The following USP10 variants were observed in gnomAD, a reference collection of about 807,000 sequenced individuals.
USP10 encodes ubiquitin specific peptidase 10, also known as ubiquitin carboxyl-terminal hydrolase 10.
A neutral mutation model predicts 84.5 loss-of-function variants in USP10; 22 were observed. That is an observed-to-expected ratio of 0.26 (90% CI 0.19 to 0.37). The LOEUF is 0.37. Among genes scored for constraint, USP10 ranks in the 10% least tolerant of loss-of-function variants. The pLI, the probability that USP10 is intolerant of heterozygous loss-of-function variation, is 1.00. For synonymous variants in USP10, 454 were observed against 387.6 expected (o/e 1.17, Z -2.01); for missense variants, 1,019 against 998.9 (o/e 1.02, Z -0.27).
intron 1 of USP10, among the ~76,000 whole-genome samples, chr16:84,710,443 G>A (rs527516870): frequency 5.9e-5 from 9 of 152,172 alleles, no homozygotes; most frequent in African/African-American, 2.2e-4. Flanking sequence ...AAGAAGTAGG[G>A]CATTTCTTTT....
chr16:84,777,532 T>G (rs1018782514), intron 13 of USP10, among the ~76,000 whole-genome samples: 1 of 152,180 alleles, frequency 6.6e-6, no homozygotes, highest in Admixed American at 6.5e-5. Context: ...TGCCCTTGGA[T>G]TGGCTGTGTC....
chr16:84,722,298 T>A (rs1393418154), intron 1 of USP10, among the ~76,000 whole-genome samples: 2 of 152,244 alleles, frequency 1.3e-5, no homozygotes, highest in Non-Finnish European at 1.5e-5. Context: ...TGGGTAGTAT[T>A]CCTTTGTGGA....
intron 1 of USP10, among the ~76,000 whole-genome samples, chr16:84,711,641 TGTA>T (rs1452846696): frequency 6.6e-6 from 1 of 151,954 alleles, no homozygotes; most frequent in Non-Finnish European, 1.5e-5. Flanking sequence ...GCCACAACAA[TGTA>T]TTCTAAGTTA....
intron 2 of USP10, 80 bp from the exon 3 acceptor site, chr16:84,740,212 GATTAAGAGTTTTAATGA>G: frequency 9.1e-7 from 1 of 1,098,756 alleles, no homozygotes; most frequent in South Asian, 1.4e-5. Flanking sequence ...AAGTTGTATG[GATTAAGAGTTTTAATGA>G]ATTGTTGCCT....
rs572903480 is a variant in USP10, at chr16:84,760,030, G to T, written c.1450+84G>T. 8 of 1,558,508 alleles carry T rather than the reference G, an allele frequency of 5.1e-6. No homozygotes were observed. The East Asian group carries it at 1.6e-4, about 31-fold the overall frequency. On this transcript the variant is annotated intron_variant, in intron 7 of 13. Coordinates refer to ENST00000219473, the MANE Select transcript of USP10 (RefSeq NM_005153.3). ...ACTTAAATTTGGTAAATTCAGTCTT[G>T]TTGGGAAGATAGTGTCTTTACACCT... is the stretch of plus-strand genomic sequence containing the variant.
intron 4 of USP10, among the ~76,000 whole-genome samples, 153 bp from the exon 5 acceptor site, chr16:84,758,563 A>G (rs1456164875): frequency 6.6e-6 from 1 of 152,184 alleles, no homozygotes; most frequent in African/African-American, 2.4e-5. Flanking sequence ...TTGATGTTGA[A>G]CTGAATGAAG....
intron 1 of USP10, among the ~76,000 whole-genome samples, chr16:84,705,715 C>CTTTTTT (rs1034372044): frequency 5.2e-4 from 37 of 71,298 alleles, no homozygotes; most frequent in Non-Finnish European, 6.1e-4. Context: ...CCCTTGCTTG[C>CTTTTTT]TTTTTTTTTT....
chr16:84,758,885 C>A, intron 5 of USP10, 78 bp downstream of exon 5: 2 of 993,850 alleles, frequency 2.0e-6, no homozygotes, highest in African/African-American at 1.6e-5. Flanking sequence ...CTTAGCTCAG[C>A]TTCCGTGGGC....
At chr16:84,749,926 T>C (rs758011781) in intron 4 of USP10, among the ~76,000 whole-genome samples, 91 of 151,664 alleles carry the variant, frequency 6.0e-4, no homozygotes, top group African/African-American at 4.8e-4. Flanking sequence ...TGAACTGTTA[T>C]TTGAAAGGAG....
chr16:84,716,913 C>T (rs1485217634), intron 1 of USP10, among the ~76,000 whole-genome samples: 4 of 152,108 alleles, frequency 2.6e-5, no homozygotes, highest in Non-Finnish European at 5.9e-5. Context: ...TAAATGGTTA[C>T]GCAACTTAAA....
rs982779555 is a variant in USP10, at chr16:84,741,076, G to T, written c.151+707G>T. ...CCTTACTGGCCTCCAGGAAACTGAT[G>T]CCAAACTTTTTCTTTGAGAGTTAGA... On this transcript the variant is annotated intron_variant, in intron 3 of 13. Coordinates refer to ENST00000219473, the MANE Select transcript of USP10 (RefSeq NM_005153.3). 3.3e-5 allele frequency among the ~76,000 whole-genome samples: 5 copies of T among 152,340 alleles called. No homozygotes were observed. The East Asian group carries it at 5.8e-4, about 18-fold the overall frequency.
intron 9 of USP10, 93 bp from the exon 10 acceptor site, chr16:84,763,993 C>T: frequency 6.9e-7 from 1 of 1,440,632 alleles, no homozygotes; most frequent in Non-Finnish European, 9.2e-7. Flanking sequence ...ACCCTGATTT[C>T]ATTTTTAAAA....
At chr16:84,736,125 C>T (rs1344297711) in intron 2 of USP10, among the ~76,000 whole-genome samples, 2 of 151,786 alleles carry the variant, frequency 1.3e-5, no homozygotes, top group Non-Finnish European at 2.9e-5. Flanking sequence ...ACTTCTACAG[C>T]ACAGTTTGGC....
chr16:84,704,978 C>G, intron 1 of USP10: 1 of 1,404,318 alleles, frequency 7.1e-7, no homozygotes, highest in South Asian at 1.3e-5. Flanking sequence ...GCGGGCCCAG[C>G]ACCTGCTACC....
chr16:84,769,135 A>C (rs568725184), intron 11 of USP10, among the ~76,000 whole-genome samples: 1 of 152,242 alleles, frequency 6.6e-6, no homozygotes, highest in East Asian at 1.9e-4. Context: ...TGGACGGTCC[A>C]TAGCATTCCT....
intron 4 of USP10, among the ~76,000 whole-genome samples, chr16:84,755,679 T>G (rs1311976321): frequency 6.6e-6 from 1 of 151,786 alleles, no homozygotes; most frequent in Non-Finnish European, 1.5e-5. Flanking sequence ...ACATCTGTAG[T>G]CCCAGCTACT....
chr16:84,764,939 A>AAAAAT (rs370383030), intron 10 of USP10, among the ~76,000 whole-genome samples: 15 of 132,268 alleles, frequency 1.1e-4, no homozygotes, highest in African/African-American at 3.9e-4. Context: ...GAGAAAAAAA[A>AAAAAT]ATATATATAT....
intron 1 of USP10, 36 bp downstream of exon 1, chr16:84,700,147 C>T (rs1179965260): frequency 4.0e-6 from 5 of 1,264,646 alleles, no homozygotes; most frequent in South Asian, 2.0e-5. Context: ...CGGAAGGGGC[C>T]CGAGCCCCGG....
chr16:84,731,664 C>T (rs759066734), intron 1 of USP10, among the ~76,000 whole-genome samples: 62 of 152,286 alleles, frequency 4.1e-4, no homozygotes, highest in Non-Finnish European at 5.9e-4. Flanking sequence ...TGCCCCATTG[C>T]CTTCCATAGC....
Sources: gnomAD v4.1 joint callset for allele counts (sites outside exome capture counted in the v4.1 genomes callset) on GRCh38, gnomAD v4.1.1 for gene constraint, MANE v1.5 for transcripts, NCBI Gene and HGNC (gene_info 2026-07-23, HGNC 2026-07-21) for gene names.